The following GPC5 variants were observed in gnomAD, a reference collection of about 807,000 sequenced individuals.
GPC5 encodes the protein glypican 5.
In GPC5, 47 loss-of-function variants were observed where a neutral mutation model predicts 53.9. The observed-to-expected ratio is 0.87, with a 90% CI of 0.69 to 1.11. The LOEUF (loss-of-function observed/expected upper bound fraction) is 1.11. Ranked by LOEUF, GPC5 falls within the 50% of genes most tolerant of loss-of-function variation. GPC5 has a pLI of 0.00. For missense variants in GPC5, 748 were observed against 713.1 expected, an observed-to-expected ratio of 1.05 and a Z score of -0.56; for synonymous variants, 286 against 263.3, an observed-to-expected ratio of 1.09 and a Z score of -0.84.
intron 7 of GPC5, among the ~76,000 whole-genome samples, chr13:92,147,113 A>G (rs2041872917): frequency 6.6e-6 from 1 of 151,022 alleles, no homozygotes; most frequent in Admixed American, 6.7e-5. Flanking sequence ...TTTTTACTTT[A>G]TTACATTTTT....
intron 6 of GPC5, among the ~76,000 whole-genome samples, chr13:91,925,840 T>C (rs1160948261): frequency 6.6e-6 from 1 of 152,220 alleles, no homozygotes; most frequent in Non-Finnish European, 1.5e-5. Context: ...GTCACAATTA[T>C]AGGAACTCAG....
At chr13:91,576,065 A>G (rs1200919932) in intron 2 of GPC5, among the ~76,000 whole-genome samples, 5 of 152,154 alleles carry the variant, frequency 3.3e-5, no homozygotes, top group Non-Finnish European at 7.3e-5. Flanking sequence ...ATTGTCAGTC[A>G]TAGCAGTGTA....
chr13:92,546,964 T>G (rs541595493), intron 7 of GPC5, among the ~76,000 whole-genome samples: 51 of 152,286 alleles, frequency 3.3e-4, no homozygotes, highest in African/African-American at 1.1e-3. Context: ...TGGCTAGCCA[T>G]ATGTAGAAAG....
intron 2 of GPC5, among the ~76,000 whole-genome samples, chr13:91,561,146 ATCTTACTTCATT>A (rs1025421541): frequency 6.6e-6 from 1 of 152,146 alleles, no homozygotes; most frequent in African/African-American, 2.4e-5. Flanking sequence ...GATAGATGGA[ATCTTACTTCATT>A]TCTTACTTAG....
chr13:92,257,546 A>ATTGTTTTTTTTTTTT, intron 7 of GPC5, among the ~76,000 whole-genome samples: 1 of 72,966 alleles, frequency 1.4e-5, no homozygotes, highest in Non-Finnish European at 2.3e-5. Context: ...TAATACAGGG[A>ATTGTTTTTTTTTTTT]TTTTTTTTTT....
chr13:92,084,227 G>C (rs1322827457), intron 6 of GPC5, among the ~76,000 whole-genome samples: 2 of 152,168 alleles, frequency 1.3e-5, no homozygotes, highest in Non-Finnish European at 2.9e-5. Flanking sequence ...CATGGCACAC[G>C]TTTACCTATG....
intron 7 of GPC5, among the ~76,000 whole-genome samples, chr13:92,759,328 T>C (rs938533016): frequency 1.1e-4 from 17 of 152,086 alleles, no homozygotes; most frequent in Non-Finnish European, 1.3e-4. Flanking sequence ...TATATTACTT[T>C]ATGTATTATC....
chr13:92,002,909 T>C (rs1444030338), intron 6 of GPC5, among the ~76,000 whole-genome samples: 2 of 152,222 alleles, frequency 1.3e-5, no homozygotes, highest in African/African-American at 4.8e-5. Context: ...ACCACAGTTG[T>C]TGGCTATGTT....
At chr13:92,716,637 AT>A (rs770701486) in intron 7 of GPC5, among the ~76,000 whole-genome samples, 2 of 152,132 alleles carry the variant, frequency 1.3e-5, no homozygotes, top group Non-Finnish European at 2.9e-5. Flanking sequence ...TTTTTTATAA[AT>A]TAATGTATGG....
At chr13:92,462,535 A>C (rs1317843956) in intron 7 of GPC5, among the ~76,000 whole-genome samples, 1 of 152,090 alleles carries the variant, frequency 6.6e-6, no homozygotes, top group African/African-American at 2.4e-5. Context: ...GCAAATGTTA[A>C]ATTTGAGGAG....
At chr13:92,170,803 CTGT>C (rs2042065258) in intron 7 of GPC5, among the ~76,000 whole-genome samples, 1 of 152,070 alleles carries the variant, frequency 6.6e-6, no homozygotes, top group African/African-American at 2.4e-5. Flanking sequence ...CTACTAGAAA[CTGT>C]TGTTTTTTAA....
rs2033451884 is a variant in GPC5 at position 91,608,714 on chromosome 13, G to A, written c.326-84473G>A. 4.6e-5 allele frequency among the ~76,000 whole-genome samples: 7 copies of A among 152,018 alleles called. No homozygotes were observed. In the South Asian group the frequency reaches 1.5e-3, roughly 32 times the overall value. Reference sequence around the variant, plus strand: ...TTTGTGGGGTGAGCCAAGAGAAAATGTTATAATTAAATAGATATGAGGTAA... The same window carrying A: ...TTTGTGGGGTGAGCCAAGAGAAAATATTATAATTAAATAGATATGAGGTAA... On this transcript the variant is annotated intron_variant, in intron 2 of 7. Transcript: ENST00000377067.
chr13:92,188,898 G>A (rs1330981), intron 7 of GPC5, among the ~76,000 whole-genome samples: 31,541 of 152,136 alleles, frequency 0.21, 4,218 homozygotes, highest in East Asian at 0.66. Context: ...AGCTCTGTTA[G>A]AGCAGTGAGG....
chr13:91,654,406 T>C (rs1594386045), intron 2 of GPC5, among the ~76,000 whole-genome samples: 1 of 152,200 alleles, frequency 6.6e-6, no homozygotes, highest in Admixed American at 6.6e-5. Context: ...AATAGTTAGA[T>C]ACTTGCATAG....
chr13:91,940,393 G>T (rs1269195465), intron 6 of GPC5, among the ~76,000 whole-genome samples: 2 of 151,936 alleles, frequency 1.3e-5, no homozygotes, highest in Non-Finnish European at 2.9e-5. Context: ...ACAATCCATT[G>T]TTGATGGGCA....
intron 5 of GPC5, among the ~76,000 whole-genome samples, chr13:91,840,746 A>T (rs980724031): frequency 3.2e-4 from 47 of 148,792 alleles, no homozygotes; most frequent in Admixed American, 9.4e-4. Context: ...TCCTATTTTT[A>T]TTTTTTTTTT....
chr13:91,968,501 G>A (rs936174305), intron 6 of GPC5, among the ~76,000 whole-genome samples: 12 of 151,108 alleles, frequency 7.9e-5, no homozygotes, highest in African/African-American at 1.9e-4. Context: ...TTGCTCTGTC[G>A]CCCAGGCTGG....
At chr13:92,672,961 T>C (rs7319594) in intron 7 of GPC5, among the ~76,000 whole-genome samples, 9,381 of 152,100 alleles carry the variant, frequency 0.062, 369 homozygotes, top group African/African-American at 0.11. Flanking sequence ...GATGATGAAA[T>C]AATCTGTACC....
chr13:92,080,926 T>G (rs2041289978), intron 6 of GPC5, among the ~76,000 whole-genome samples: 1 of 152,182 alleles, frequency 6.6e-6, no homozygotes, highest in Non-Finnish European at 1.5e-5. Context: ...ATCACAGCGC[T>G]TGAGCACAAC....
Sources: allele counts gnomAD v4.1 joint callset (sites outside exome capture counted in the v4.1 genomes callset), GRCh38; gene constraint gnomAD v4.1.1; transcripts MANE v1.5; gene names NCBI Gene and HGNC (gene_info 2026-07-23, HGNC 2026-07-21).